The following KDM4C variants were observed in gnomAD, a reference collection of about 807,000 sequenced individuals.
KDM4C encodes lysine demethylase 4C, also known as lysine-specific demethylase 4C.
In KDM4C, 81 loss-of-function variants were observed where a neutral mutation model predicts 129.3. The observed-to-expected ratio is 0.63, with a 90% CI of 0.52 to 0.75. KDM4C has a LOEUF of 0.75. Ranked by LOEUF, KDM4C falls within the 30% of genes least tolerant of loss-of-function variation. The pLI is 0.00. For missense variants in KDM4C, 1,457 were observed against 1,304.0 expected (o/e 1.12, Z -1.81); for synonymous variants, 573 against 456.1 (o/e 1.26, Z -3.26).
chr9:7,022,568 A>C (rs1442169099), intron 15 of KDM4C, among the ~76,000 whole-genome samples: 1 of 151,472 alleles, frequency 6.6e-6, no homozygotes, highest in Non-Finnish European at 1.5e-5. Context: ...TTTTTCAAGT[A>C]CAAGATTATA....
intron 1 of KDM4C, chr9:6,748,581 A>G: frequency 8.6e-6 from 5 of 580,584 alleles, no homozygotes; most frequent in South Asian, 1.8e-5. Flanking sequence ...CACAGCATTT[A>G]TTGCCATCTT....
intron 7 of KDM4C, among the ~76,000 whole-genome samples, 186 bp downstream of exon 7, chr9:6,888,249 T>TTA (rs1170622238): frequency 2.1e-4 from 32 of 152,304 alleles, no homozygotes; most frequent in African/African-American, 7.2e-4. Context: ...TCAAATATAT[T>TTA]TACTAGAGAT....
chr9:6,740,349 G>A (rs1453577109), intron 1 of KDM4C, among the ~76,000 whole-genome samples: 18 of 151,888 alleles, frequency 1.2e-4, no homozygotes, highest in Non-Finnish European at 4.4e-5. Flanking sequence ...GACTACAGGC[G>A]CCCGTCACCC....
intron 8 of KDM4C, chr9:6,924,692 A>G: frequency 1.2e-6 from 1 of 858,848 alleles, no homozygotes; most frequent in Non-Finnish European, 1.4e-6. Flanking sequence ...TGGGGTACCG[A>G]TGCATAATGT....
chr9:6,833,296 A>G (rs539984359), intron 4 of KDM4C, among the ~76,000 whole-genome samples: 9 of 152,164 alleles, frequency 5.9e-5, no homozygotes, highest in African/African-American at 2.2e-4. Context: ...CACTTCCTCT[A>G]TGCCAGTATT....
chr9:7,102,379 A>AT (rs1463070775), intron 17 of KDM4C, among the ~76,000 whole-genome samples: 1 of 135,354 alleles, frequency 7.4e-6, no homozygotes, highest in Non-Finnish European at 1.5e-5. Flanking sequence ...TATGAAGGAT[A>AT]TTAAGTACGA....
chr9:7,170,191 C>T, intron 21 of KDM4C: 1 of 1,244,246 alleles, frequency 8.0e-7, no homozygotes. Context: ...ACACCAGGAG[C>T]AAACAAAGAT....
chr9:6,820,534 C>A (rs554301377), intron 4 of KDM4C, among the ~76,000 whole-genome samples: 1 of 152,152 alleles, frequency 6.6e-6, no homozygotes, highest in African/African-American at 2.4e-5. Flanking sequence ...TCTCTTAGCC[C>A]CAGGCAAATC....
chr9:6,949,831 GGAGGGAGAGGGAGACCGTGGGGA>G (rs371327815), intron 8 of KDM4C, among the ~76,000 whole-genome samples: 7,095 of 152,102 alleles, frequency 0.047, 261 homozygotes, highest in East Asian at 0.14. Flanking sequence ...GGGAGACCGT[GGAGGGAGAGGGAGACCGTGGGGA>G]GAGGGAGAGG....
chr9:7,035,228 G>T (rs1199202941), intron 15 of KDM4C, among the ~76,000 whole-genome samples: 1 of 150,128 alleles, frequency 6.7e-6, no homozygotes, highest in African/African-American at 2.4e-5. Context: ...TGCCCAGGCT[G>T]GTCTTGAACT....
At chr9:6,768,800 T>A (rs1821159867) in intron 1 of KDM4C, among the ~76,000 whole-genome samples, 1 of 151,842 alleles carries the variant, frequency 6.6e-6, no homozygotes. Context: ...AAAGAGGGAG[T>A]TTCACTCTGT....
At chr9:7,079,238 T>C (rs898562135) in intron 17 of KDM4C, among the ~76,000 whole-genome samples, 4 of 152,218 alleles carry the variant, frequency 2.6e-5, no homozygotes, top group African/African-American at 4.8e-5. Context: ...GCCAGAAATA[T>C]TCTTTAGTGC....
Position 6,849,715 on chromosome 9 carries a change from T to G in KDM4C, c.629+15T>G, listed in dbSNP as rs758005687. The G allele has an allele frequency of 6.5e-7, 1 of 1,539,084 alleles. No homozygotes were observed. Among genetic ancestry groups the G allele is most frequent in the South Asian group, 1.3e-5 (1 of 79,828 alleles). On this transcript the variant is annotated intron_variant, in intron 5 of 21. Transcript: ENST00000381309. Reference sequence around the variant, plus strand: ...CCCAAGTCTTGGCAAGTTACTTGTTTAATATTCATTTACTTTGGAGTTTTG... The same window carrying G: ...CCCAAGTCTTGGCAAGTTACTTGTTGAATATTCATTTACTTTGGAGTTTTG...
At chr9:7,066,008 A>G (rs1255603404) in intron 17 of KDM4C, among the ~76,000 whole-genome samples, 1 of 152,070 alleles carries the variant, frequency 6.6e-6, no homozygotes, top group Admixed American at 6.5e-5. Flanking sequence ...AAAAAAAAAA[A>G]AACTGTAATT....
intron 5 of KDM4C, among the ~76,000 whole-genome samples, chr9:6,856,826 C>T (rs957433847): frequency 4.1e-5 from 6 of 147,920 alleles, no homozygotes; most frequent in South Asian, 2.1e-4. Flanking sequence ...GGCGCAATCT[C>T]GGCTCACTGC....
intron 8 of KDM4C, among the ~76,000 whole-genome samples, chr9:6,904,925 C>T (rs934664284): frequency 6.6e-5 from 10 of 151,928 alleles, no homozygotes; most frequent in Admixed American, 1.3e-4. Context: ...TTTCTAAGTA[C>T]GAGCCTAGGC....
intron 1 of KDM4C, among the ~76,000 whole-genome samples, chr9:6,743,121 G>T (rs1038936790): frequency 6.6e-6 from 1 of 152,106 alleles, no homozygotes; most frequent in Non-Finnish European, 1.5e-5. Flanking sequence ...TGCTGACAAA[G>T]GATTACTAAT....
At chr9:7,093,017 G>A (rs796584021) in intron 17 of KDM4C, among the ~76,000 whole-genome samples, 8 of 152,088 alleles carry the variant, frequency 5.3e-5, no homozygotes, top group East Asian at 1.9e-4. Context: ...AGAAGTTAAC[G>A]TTCTCACTCT....
chr9:7,063,554 TGTA>T (rs1206960246), intron 17 of KDM4C, among the ~76,000 whole-genome samples: 1 of 152,218 alleles, frequency 6.6e-6, no homozygotes, highest in Admixed American at 6.5e-5. Flanking sequence ...GGACTTAATA[TGTA>T]GTTAGGTGAT....
Sources: gnomAD v4.1 joint callset for allele counts (sites outside exome capture counted in the v4.1 genomes callset) on GRCh38, gnomAD v4.1.1 for gene constraint, MANE v1.5 for transcripts, NCBI Gene and HGNC (gene_info 2026-07-23, HGNC 2026-07-21) for gene names.